Variants in LRRFIP1 observed in about 807,000 individuals in gnomAD.
LRRFIP1 encodes LRR binding FLII interacting protein 1.
LRRFIP1 carries 62 observed loss-of-function variants against 104.4 expected under a neutral mutation model. That is an observed-to-expected ratio of 0.59 (90% confidence interval 0.48 to 0.73). The LOEUF (loss-of-function observed/expected upper bound fraction) is 0.73, where lower values mean the gene tolerates loss of function less well. Ranked by LOEUF, LRRFIP1 falls within the 30% of genes least tolerant of loss-of-function variation. The pLI is 0.00. For synonymous variants in LRRFIP1, 300 were observed against 299.0 expected (o/e 1.00, Z -0.03); for missense variants, 796 against 824.5 (o/e 0.97, Z 0.42).
intron 3 of LRRFIP1, among the ~76,000 whole-genome samples, chr2:237,714,691 G>A (rs542226785): frequency 4.4e-4 from 67 of 152,306 alleles, no homozygotes; most frequent in African/African-American, 1.5e-3. Context: ...TAGATATTGA[G>A]TTAAAAATCT....
At chr2:237,692,209 T>G in intron 1 of LRRFIP1, 1 of 1,074,964 alleles carries the variant, frequency 9.3e-7, no homozygotes, top group South Asian at 4.5e-5. Context: ...CCCGGCGCCC[T>G]TCCACCCCGA....
intron 11 of LRRFIP1, among the ~76,000 whole-genome samples, chr2:237,740,675 C>T (rs772521060): frequency 1.3e-5 from 2 of 152,102 alleles, no homozygotes; most frequent in Non-Finnish European, 2.9e-5. Context: ...TGTGAGGTTT[C>T]CTACCTCGCA....
intron 19 of LRRFIP1, chr2:237,762,693 C>T: frequency 6.2e-7 from 1 of 1,614,180 alleles, no homozygotes; most frequent in Non-Finnish European, 8.5e-7. Flanking sequence ...GAACAACACA[C>T]AGAGGACACA....
intron 1 of LRRFIP1, among the ~76,000 whole-genome samples, chr2:237,686,105 A>C (rs2092347228): frequency 6.6e-6 from 1 of 152,108 alleles, no homozygotes; most frequent in Admixed American, 6.5e-5. Flanking sequence ...TCCTTCCTTC[A>C]GGCTCCTTTC....
intron 1 of LRRFIP1, among the ~76,000 whole-genome samples, chr2:237,673,796 G>A (rs1176975670): frequency 2.0e-4 from 31 of 152,156 alleles, no homozygotes; most frequent in Admixed American, 2.0e-3. Context: ...GGGAGGGCAC[G>A]GAGTGGCATT....
chr2:237,677,401 T>C (rs2091282538), intron 1 of LRRFIP1, among the ~76,000 whole-genome samples: 1 of 152,258 alleles, frequency 6.6e-6, no homozygotes, highest in South Asian at 2.1e-4. Context: ...AATTCCACTA[T>C]GTATCTATAC....
intron 2 of LRRFIP1, among the ~76,000 whole-genome samples, chr2:237,708,963 T>A (rs1165226303): frequency 6.6e-6 from 1 of 152,210 alleles, no homozygotes; most frequent in Non-Finnish European, 1.5e-5. Flanking sequence ...ATCCTCTGGA[T>A]TAAAGTGGAA....
chr2:237,682,239 C>G (rs938949691), intron 1 of LRRFIP1, among the ~76,000 whole-genome samples: 3 of 152,214 alleles, frequency 2.0e-5, no homozygotes, highest in Admixed American at 2.0e-4. Context: ...ATGGAATGAG[C>G]TGCCAGACGG....
chr2:237,744,989 C>A (rs1022795700), intron 11 of LRRFIP1, among the ~76,000 whole-genome samples: 1 of 152,254 alleles, frequency 6.6e-6, no homozygotes. Flanking sequence ...CATGCAGTGG[C>A]CGTGACAGTG....
chr2:237,735,424 C>T lies in LRRFIP1; in HGVS notation c.555+91C>T. On this transcript the variant is annotated intron_variant, in intron 10 of 23. Coordinates refer to ENST00000308482, the MANE Select transcript of LRRFIP1 (RefSeq NM_001137550.2). The surrounding 1 kb of genome is among the most constrained non-coding windows in gnomAD (Gnocchi z 4.6). ...GGCAGGGTCCAGCCGTGGGGGGTGA[C>T]TGGCCATTCTCAGGAGGAAGCGCCG... The T allele has an allele frequency of 8.1e-7, 1 of 1,230,814 alleles. No individual in the cohort carries two copies. Among genetic ancestry groups the T allele is most frequent in the South Asian group, 1.4e-5 (1 of 69,630 alleles). The allele number at this position is 1,230,814 out of a possible 1,614,324, so 76.2% of individuals were successfully genotyped here. A position where few individuals can be genotyped will look rare whatever the true frequency, so the allele number is the denominator to read the frequency against.
chr2:237,744,412 G>GAAC (rs3835809), intron 11 of LRRFIP1, among the ~76,000 whole-genome samples: 9,797 of 152,196 alleles, frequency 0.064, 425 homozygotes, highest in Middle Eastern at 0.13. Context: ...CTGGGTACGT[G>GAAC]AACAGGTGCC....
At chr2:237,660,555 C>A (rs191001745) in intron 1 of LRRFIP1, among the ~76,000 whole-genome samples, 1 of 152,360 alleles carries the variant, frequency 6.6e-6, no homozygotes, top group Non-Finnish European at 1.5e-5. Flanking sequence ...AAGGCACATG[C>A]TGTTTAACCC....
chr2:237,766,348 A>G lies in LRRFIP1; in HGVS notation c.1460-3595A>G, dbSNP rs2060253423. Among the ~76,000 whole-genome samples the G allele has an allele frequency of 6.6e-6, 1 of 152,198 alleles. No homozygotes were observed. Among genetic ancestry groups the G allele is most frequent in the Non-Finnish European group, 1.5e-5 (1 of 68,038 alleles). On this transcript the variant is annotated intron_variant, in intron 19 of 23. Coordinates refer to ENST00000308482, the MANE Select transcript of LRRFIP1 (RefSeq NM_001137550.2). This position sits in a 1 kb window ranked among gnomAD's most constrained non-coding sequence, Gnocchi z 4.8. ...TAGGAAATAAGTCCAAGGGCTCTAT[A>G]GGACTTCACAGGGTTTTAGTTTATG...
At chr2:237,631,825 G>A (rs1462398649) in intron 1 of LRRFIP1, among the ~76,000 whole-genome samples, 1 of 152,238 alleles carries the variant, frequency 6.6e-6, no homozygotes, top group African/African-American at 2.4e-5. Flanking sequence ...CTCACCGTGG[G>A]GCCTTGAGAC....
intron 1 of LRRFIP1, among the ~76,000 whole-genome samples, chr2:237,651,766 A>G (rs1380418266): frequency 6.6e-6 from 1 of 152,272 alleles, no homozygotes; most frequent in Non-Finnish European, 1.5e-5. Flanking sequence ...TTTTAATAAT[A>G]TATTTTATGT....
chr2:237,684,867 G>T (rs2092211331), intron 1 of LRRFIP1, among the ~76,000 whole-genome samples: 1 of 151,484 alleles, frequency 6.6e-6, no homozygotes, highest in African/African-American at 2.4e-5. Context: ...TTAGTGGATT[G>T]CTTGAGCCCA....
intron 19 of LRRFIP1, 62 bp downstream of exon 19, chr2:237,760,267 T>C: frequency 1.3e-6 from 2 of 1,575,626 alleles, no homozygotes; most frequent in East Asian, 2.2e-5. Context: ...TCACCCTCCA[T>C]GCACTGCTGG....
In LRRFIP1 at chr2:237,674,858, G is replaced by A. The variant is rs1200720537; in HGVS notation, c.97-33686G>A. On this transcript the variant is annotated intron_variant, in intron 1 of 23. Coordinates refer to ENST00000308482, the MANE Select transcript of LRRFIP1 (RefSeq NM_001137550.2). ...TCACTGTCAGTATTTGGTGGAATAA[G>A]GACGTGCACGCACGTGCTGGCTGTT... is the stretch of plus-strand genomic sequence containing the variant. Among the ~76,000 whole-genome samples the A allele has an allele frequency of 1.3e-5, 2 of 152,268 alleles. 1 individual carries two copies. Among genetic ancestry groups the A allele is most frequent in the African/African-American group, 4.8e-5 (2 of 41,470 alleles).
intron 1 of LRRFIP1, among the ~76,000 whole-genome samples, chr2:237,681,914 C>A (rs531028609): frequency 6.6e-6 from 1 of 151,594 alleles, no homozygotes; most frequent in Non-Finnish European, 1.5e-5. Context: ...CTCCTGACCT[C>A]GTGATCCGCC....
Sources: gnomAD v4.1 joint callset for allele counts (sites outside exome capture counted in the v4.1 genomes callset) on GRCh38, gnomAD v4.1.1 for gene constraint, Gnocchi (gnomAD v3.1) non-coding constraint, MANE v1.5 for transcripts, NCBI Gene and HGNC (gene_info 2026-07-23, HGNC 2026-07-21) for gene names.